The following LIPG variants were observed in gnomAD, a reference collection of about 807,000 sequenced individuals.
The protein encoded by LIPG is endothelial lipase.
A neutral mutation model predicts 51.8 loss-of-function variants in LIPG; 34 were observed. The observed-to-expected ratio is 0.66, with a 90% confidence interval of 0.50 to 0.87. The LOEUF (loss-of-function observed/expected upper bound fraction) is 0.87. Ranked by LOEUF, LIPG falls within the 40% of genes least tolerant of loss-of-function variation. LIPG has a pLI of 0.00. For synonymous variants in LIPG, 246 were observed against 246.1 expected (o/e 1.00, Z 0.00); for missense variants, 580 against 652.7 (o/e 0.89, Z 1.21).
rs1444784751 is a variant in LIPG, at chr18:49,591,628, T to G, written c.*1106T>G. On this transcript the variant is annotated 3_prime_UTR_variant, in exon 10 of 10. Coordinates refer to ENST00000261292, the MANE Select transcript of LIPG (RefSeq NM_006033.4). ...AGTGCTTTTTTTCCTCTTTGAAATA[T>G]TTTACTTTAATACCAGTGCCTTTTC... The G allele has an allele frequency of 6.6e-6, 1 of 152,214 alleles. No individual in the cohort carries two copies. Among genetic ancestry groups the G allele is most frequent in the East Asian group, 1.9e-4 (1 of 5,196 alleles). 9.4% of individuals were successfully genotyped at this position (152,214 alleles called of 1,614,324 possible).
chr18:49,562,735 T>G (rs1040241107), intron 1 of LIPG, among the ~76,000 whole-genome samples: 2 of 148,146 alleles, frequency 1.4e-5, no homozygotes, highest in African/African-American at 5.0e-5. Flanking sequence ...CTCTGAAACC[T>G]TGTCCTCATG....
chr18:49,584,191 C>T (rs1320395635), intron 8 of LIPG, among the ~76,000 whole-genome samples: 1 of 152,106 alleles, frequency 6.6e-6, no homozygotes, highest in Non-Finnish European at 1.5e-5. Flanking sequence ...CCAGAGAGCC[C>T]CCATGGATGA....
At chr18:49,567,655 A>G in intron 3 of LIPG, 34 bp downstream of exon 3, 3 of 1,606,728 alleles carry the variant, frequency 1.9e-6, no homozygotes, top group Non-Finnish European at 2.6e-6. Flanking sequence ...TCCTGTCACC[A>G]GCAGGATCTC....
Position 49,581,556 on chromosome 18 carries a change from G to T in LIPG, c.935G>T (p.Arg312Leu). 6.2e-7 allele frequency: 1 copy of T among 1,614,188 alleles called. No individual in the cohort carries two copies. Among genetic ancestry groups the T allele is most frequent in the Non-Finnish European group, 8.5e-7 (1 of 1,180,030 alleles). ...AAAAAGGGGATCTGTCTGAGCTGCC[G>T]CAAGAACCGTTGTAATAGCATTGGC... ...RFKKGICLSC[R>L]KNRCNSIGYN... Residue 312 changes from arginine (R) to leucine (L), a missense_variant, in exon 6 of 10, where the codon CGC (arginine) becomes CTC (leucine). Arg to Leu is a moderately radical substitution (Grantham distance 102, BLOSUM62 -2). Coordinates refer to ENST00000261292, the MANE Select transcript of LIPG (RefSeq NM_006033.4).
chr18:49,598,881 C>T lies in LIPG; in HGVS notation c.*8359C>T, dbSNP rs1201856575. The T allele has an allele frequency of 2.0e-5, 3 of 152,110 alleles. No homozygotes were observed. Among genetic ancestry groups the T allele is most frequent in the Non-Finnish European group, 4.4e-5 (3 of 68,022 alleles). 9.4% of individuals were successfully genotyped at this position (152,110 alleles called of 1,614,324 possible). On this transcript the variant is annotated 3_prime_UTR_variant, in exon 10 of 10. Transcript: ENST00000261292. ...ACAGTATGTTCTCTTTTGTGTCTGC[C>T]TTCTTGTACTCAGCATAATTATTTT...
chr18:49,569,490 A>G lies in LIPG; in HGVS notation c.513A>G (p.Gly171=). ...TCCACTTGATCGGCTACAGCCTCGG[A>G]GCGCACGTGGCCGGGTATGCAGGCA... ...GNVHLIGYSL[G]AHVAGYAGNF... Residue 171 remains glycine, a synonymous_variant, in exon 4 of 10, where the codon GGA becomes GGG. Transcript: ENST00000261292. 1 of 1,614,168 alleles carries G rather than the reference A, an allele frequency of 6.2e-7. No homozygotes were observed. The highest frequency in any genetic ancestry group is 1.1e-5 in the South Asian group (1 of 91,074).
chr18:49,564,988 A>C lies in LIPG; in HGVS notation c.98-329A>C, dbSNP rs2084587230. 2.0e-5 allele frequency among the ~76,000 whole-genome samples: 3 copies of C among 152,322 alleles called. No individual in the cohort carries two copies. In the South Asian group the frequency reaches 6.2e-4, roughly 32 times the overall value. On this transcript the variant is annotated intron_variant, in intron 1 of 9. Transcript: ENST00000261292. ...TGGTCCCAAGCATTTCAGAAAAAGA[A>C]CTGAGAACCTGTACTCTAAAAGTAG...
chr18:49,588,199 G>A (rs116032790), intron 9 of LIPG, among the ~76,000 whole-genome samples: 4,950 of 152,148 alleles, frequency 0.033, 264 homozygotes, highest in African/African-American at 0.11. Flanking sequence ...AATGGGGTGG[G>A]AGATAAAGAG....
chr18:49,575,496 G>A lies in LIPG; in HGVS notation c.699G>A (p.Gln233=), dbSNP rs1175809413. The part of the protein sequence containing the change: ...TRSFGLSIGI[Q]MPVGHIDIYP... ...CCTTCGGCTTGAGCATTGGTATTCA[G>A]ATGCCTGTGGGCCACATTGACATCT... The change falls in exon 5 of 10, where the codon CAG becomes CAA. Residue 233 remains glutamine (Q), a synonymous_variant. Coordinates refer to ENST00000261292, the MANE Select transcript of LIPG (RefSeq NM_006033.4). The A allele has an allele frequency of 6.2e-7, 1 of 1,614,116 alleles. No individual in the cohort carries two copies. The highest frequency in any genetic ancestry group is 1.3e-5 in the African/African-American group (1 of 74,938).
In LIPG at chr18:49,583,719, G is replaced by C; in HGVS notation, c.1321G>C (p.Gly441Arg). The C allele has an allele frequency of 6.2e-7, 1 of 1,614,114 alleles. No individual in the cohort carries two copies. The highest frequency in any genetic ancestry group is 8.5e-7 in the Non-Finnish European group (1 of 1,180,032). ...CTACCTGTCTCAACCCCGCAACCCC[G>C]GACGGGAGCTGAATATCAGGCGCAT... is the stretch of plus-strand genomic sequence containing the variant. The part of the protein sequence containing the change: ...RSYLSQPRNP[G>R]RELNIRRIRV... Residue 441 changes from glycine (G) to arginine (R), a missense_variant, in exon 8 of 10, where the codon GGA becomes CGA. Coordinates refer to ENST00000261292, the MANE Select transcript of LIPG (RefSeq NM_006033.4).
chr18:49,585,674 T>C (rs1368908098), intron 8 of LIPG, among the ~76,000 whole-genome samples: 3 of 152,216 alleles, frequency 2.0e-5, no homozygotes, highest in Non-Finnish European at 4.4e-5. Context: ...TTTCTCAGCA[T>C]GTGTTCTAAA....
chr18:49,576,879 T>C (rs2084724999), intron 5 of LIPG, among the ~76,000 whole-genome samples: 1 of 152,202 alleles, frequency 6.6e-6, no homozygotes, highest in Admixed American at 6.5e-5. Context: ...CCCAAATAGC[T>C]GAGACTACAG....
intron 4 of LIPG, among the ~76,000 whole-genome samples, chr18:49,573,467 C>G (rs1336926327): frequency 6.6e-6 from 1 of 151,920 alleles, no homozygotes; most frequent in African/African-American, 2.4e-5. Flanking sequence ...GTAATCCCAG[C>G]TACTCAGGAG....
chr18:49,574,661 A>T (rs1374714903), intron 4 of LIPG, among the ~76,000 whole-genome samples: 1 of 152,084 alleles, frequency 6.6e-6, no homozygotes, highest in African/African-American at 2.4e-5. Flanking sequence ...CAAGCTCCCA[A>T]TTTCAAATAT....
Position 49,595,296 on chromosome 18 carries a change from TAAAC to T in LIPG, c.*4776_*4779del, listed in dbSNP as rs553483829. 2.4e-3 allele frequency: 366 copies of T among 152,284 alleles called. No homozygotes were observed. Among genetic ancestry groups the T allele is most frequent in the African/African-American group, 8.2e-3 (341 of 41,562 alleles). 9.4% of individuals were successfully genotyped at this position (152,284 alleles called of 1,614,324 possible). A position where few individuals can be genotyped will look rare whatever the true frequency, so the allele number is the denominator to read the frequency against. On this transcript the variant is annotated 3_prime_UTR_variant, in exon 10 of 10. Coordinates refer to ENST00000261292, the MANE Select transcript of LIPG (RefSeq NM_006033.4). ...AATTAGATATAAGAAACTAGGTGCT[TAAAC>T]AGGCAGGAGGTAATCTGGGAAAAGA...
intron 8 of LIPG, among the ~76,000 whole-genome samples, 193 bp downstream of exon 8, chr18:49,583,967 C>G (rs2084855353): frequency 6.6e-6 from 1 of 152,182 alleles, no homozygotes; most frequent in South Asian, 2.1e-4. Flanking sequence ...GCATCTCATG[C>G]CCTGAACATG....
rs998204962 is a variant in LIPG, at chr18:49,590,092, C to T, written c.1482-409C>T. 6.4e-5 allele frequency: 21 copies of T among 329,942 alleles called. 1 individual carries two copies. Among genetic ancestry groups the T allele is most frequent in the South Asian group, 2.8e-4 (10 of 35,992 alleles). 20.4% of individuals were successfully genotyped at this position (329,942 alleles called of 1,614,324 possible). On this transcript the variant is annotated intron_variant, in intron 9 of 9. Transcript: ENST00000261292. ...ACTCTCAGTCTTGCCCCCTTTCTGC[C>T]AATACAGTGTCTCTCTTGTATTTCT...
At position 49,593,560 on chromosome 18, in the gene LIPG, C is replaced by G. The variant is rs1284313281; in HGVS notation, c.*3038C>G. ...TTAGACCAGAGGGAAGCTGATTTCT[C>G]TATTGGTTAAAGTCCCAGCTGGTAG... On this transcript the variant is annotated 3_prime_UTR_variant, in exon 10 of 10. Transcript: ENST00000261292. The G allele has an allele frequency of 1.3e-5, 2 of 151,224 alleles. No individual in the cohort carries two copies. The highest frequency in any genetic ancestry group is 6.6e-5 in the Admixed American group (1 of 15,056). 9.4% of individuals were successfully genotyped at this position (151,224 alleles called of 1,614,324 possible). A position where few individuals can be genotyped will look rare whatever the true frequency, so the allele number is the denominator to read the frequency against.
chr18:49,567,511 A>G lies in LIPG; in HGVS notation c.349A>G (p.Asn117Asp). 1 of 1,614,168 alleles carries G rather than the reference A, an allele frequency of 6.2e-7. No homozygotes were observed. Among genetic ancestry groups the G allele is most frequent in the Non-Finnish European group, 8.5e-7 (1 of 1,180,024 alleles). ...SALHTREKDA[N>D]VVVVDWLPLA... ...CCTGCACACAAGAGAGAAAGACGCC[A>G]ATGTAGTTGTGGTTGACTGGCTCCC... Residue 117 changes from asparagine (N) to aspartate (D), a missense_variant, in exon 3 of 10, where the codon AAT becomes GAT. Coordinates refer to ENST00000261292, the MANE Select transcript of LIPG (RefSeq NM_006033.4).
Sources: allele counts gnomAD v4.1 joint callset (sites outside exome capture counted in the v4.1 genomes callset), GRCh38; gene constraint gnomAD v4.1.1; transcripts MANE v1.5; gene names NCBI Gene and HGNC (gene_info 2026-07-23, HGNC 2026-07-21).